The following DNAH2 variants were observed in gnomAD, a reference collection of about 807,000 sequenced individuals.
DNAH2 encodes the protein axonemal beta dynein heavy chain 2.
A neutral mutation model predicts 523.5 loss-of-function variants in DNAH2; 323 were observed. The observed-to-expected ratio is 0.62, with a 90% CI of 0.56 to 0.68. The LOEUF (loss-of-function observed/expected upper bound fraction) is 0.68. Among genes scored for constraint, DNAH2 ranks in the 30% least tolerant of loss-of-function variants. The pLI is 0.00. For synonymous variants in DNAH2, 2,093 were observed against 2,177.4 expected, an observed-to-expected ratio of 0.96 and a Z score of 1.08; for missense variants, 4,907 against 5,701.5, an observed-to-expected ratio of 0.86 and a Z score of 4.49.
At chr17:7,729,807 T>C (rs1282672629) in intron 4 of DNAH2, among the ~76,000 whole-genome samples, 1 of 152,138 alleles carries the variant, frequency 6.6e-6, no homozygotes, top group Admixed American at 6.6e-5. Flanking sequence ...CTGAGGCAAT[T>C]CTCTTAGGCC....
chr17:7,802,073 C>T (rs1021264739), intron 58 of DNAH2, 56 bp downstream of exon 58: 11 of 1,601,824 alleles, frequency 6.9e-6, no homozygotes, highest in South Asian at 4.4e-5. Flanking sequence ...CTTCTGAGGG[C>T]GATGGGTGAA....
At chr17:7,804,653 T>G (rs2077316969) in intron 59 of DNAH2, among the ~76,000 whole-genome samples, 187 bp downstream of exon 59, 1 of 151,872 alleles carries the variant, frequency 6.6e-6, no homozygotes, top group South Asian at 2.1e-4. Flanking sequence ...CGAGACCAAC[T>G]TGGCCAACAT....
At chr17:7,818,835 CCA>C in intron 70 of DNAH2, 59 bp downstream of exon 70, 4 of 1,610,488 alleles carry the variant, frequency 2.5e-6, no homozygotes, top group Non-Finnish European at 3.4e-6. Flanking sequence ...CAGCCTCCAC[CCA>C]GTCTACCCCA....
chr17:7,764,282 C>T lies in DNAH2; in HGVS notation c.3336+9C>T, dbSNP rs1441080979. ...TGCCAGTCGAGGACAGTGTGAGTTCCTTTGGTGTTTGGTTTACCTGGGACC... is the reference window on the plus strand; with the variant it reads ...TGCCAGTCGAGGACAGTGTGAGTTCTTTTGGTGTTTGGTTTACCTGGGACC... On this transcript the variant is annotated intron_variant, in intron 20 of 85. Transcript: ENST00000572933. 3 of 1,589,026 alleles carry T rather than the reference C, an allele frequency of 1.9e-6. No homozygotes were observed. Among genetic ancestry groups the T allele is most frequent in the Admixed American group, 1.7e-5 (1 of 58,418 alleles).
chr17:7,769,088 T>C (rs2076247726), intron 24 of DNAH2, among the ~76,000 whole-genome samples: 1 of 152,236 alleles, frequency 6.6e-6, no homozygotes. Context: ...CTTCTTGTTC[T>C]CTGACCCCTG....
rs79350244 is a variant in DNAH2 at position 7,830,796 on chromosome 17, A to C, written c.12184A>C (p.Ile4062Leu). 0.024 allele frequency: 38,029 copies of C among 1,614,040 alleles called. 621 individuals carry two copies. The highest frequency in any genetic ancestry group is 0.087 in the Middle Eastern group (525 of 6,060). ...DWDRRLLTTY[I>L]NDYFCDQSLS... ...GGACCGGCGCCTGCTGACCACCTAC[A>C]TCAATGATTATTTCTGTGACCAGTC... Residue 4062 changes from isoleucine (I) to leucine (L), a missense_variant, in exon 79 of 86, where the codon ATC (isoleucine) becomes CTC (leucine). By Grantham distance (5) the Ile-to-Leu change is conservative (BLOSUM62 2). Coordinates refer to ENST00000572933, the MANE Select transcript of DNAH2 (RefSeq NM_020877.5).
At chr17:7,772,154 C>T (rs1273486323) in intron 28 of DNAH2, among the ~76,000 whole-genome samples, 1 of 152,116 alleles carries the variant, frequency 6.6e-6, no homozygotes. Context: ...GGTAGACAAT[C>T]AGGGAGTCAG....
chr17:7,814,465 T>A (rs987766745), intron 63 of DNAH2, among the ~76,000 whole-genome samples: 4 of 152,202 alleles, frequency 2.6e-5, no homozygotes, highest in Non-Finnish European at 4.4e-5. Context: ...TAATAATTTT[T>A]AAAAATTTAA....
intron 56 of DNAH2, 110 bp downstream of exon 56, chr17:7,799,352 G>A: frequency 6.9e-7 from 1 of 1,443,388 alleles, no homozygotes; most frequent in Non-Finnish European, 9.4e-7. Context: ...AGGCTCCTCT[G>A]CCCGCCTCAC....
chr17:7,743,521 C>T (rs1229275473), intron 12 of DNAH2: 1 of 613,594 alleles, frequency 1.6e-6, no homozygotes, highest in East Asian at 2.8e-5. Context: ...CAAAGATTAG[C>T]TGGGCGTGGT....
rs1317370202 is a variant in DNAH2 at position 7,793,057 on chromosome 17, G to C, written c.7421G>C (p.Gly2474Ala). The stretch of plus-strand genomic sequence containing the variant: ...ACCAAGGGTGTCTACGTGCCATTCG[G>C]GGGCAAAAGCATGATCACCTTTATG... ...KRTKGVYVPF[G>A]GKSMITFMDD... Residue 2474 changes from glycine to alanine, a missense_variant, in exon 48 of 86, where the codon GGG becomes GCG. Gly to Ala is a moderately conservative substitution (Grantham distance 60). Coordinates refer to ENST00000572933, the MANE Select transcript of DNAH2 (RefSeq NM_020877.5). The C allele has an allele frequency of 2.5e-6, 4 of 1,614,170 alleles. No individual in the cohort carries two copies. Among genetic ancestry groups the C allele is most frequent in the Non-Finnish European group, 2.5e-6 (3 of 1,180,028 alleles).
chr17:7,781,178 C>T lies in DNAH2; in HGVS notation c.6129+11C>T, dbSNP rs1567688309. Reference sequence around the variant, plus strand: ...ATTGACTATGGCAAGGTATTTGTTCCTTAATACTCTCCCTGACCGGGTGCT... The same window carrying T: ...ATTGACTATGGCAAGGTATTTGTTCTTTAATACTCTCCCTGACCGGGTGCT... On this transcript the variant is annotated intron_variant, in intron 39 of 85. Coordinates refer to ENST00000572933, the MANE Select transcript of DNAH2 (RefSeq NM_020877.5). 3 of 1,613,966 alleles carry T rather than the reference C, an allele frequency of 1.9e-6. No homozygotes were observed. In the East Asian group the frequency reaches 6.7e-5, roughly 36 times the overall value.
chr17:7,818,655 C>T lies in DNAH2; in HGVS notation c.10549C>T (p.Gln3517Ter), dbSNP rs1314423204. 6.2e-7 allele frequency: 1 copy of T among 1,613,872 alleles called. No individual in the cohort carries two copies. The highest frequency in any genetic ancestry group is 8.5e-7 in the Non-Finnish European group (1 of 1,180,008). ...CTGATGCCCCCAGGGCCTGGAGGCC[C>T]AGCTGCTGGGCATTGTGGTGCGGAA... is the stretch of plus-strand genomic sequence containing the variant. ...FAVKEQGLEA[Q>*]LLGIVVRKER... Residue 3517 changes from glutamine (Q) to a stop codon, truncating the protein, a stop_gained, in exon 70 of 86, where the codon CAG (glutamine) becomes TAG (stop). Transcript: ENST00000572933. LOFTEE classifies it high-confidence loss of function.
chr17:7,793,549 CTT>C (rs1242868822), intron 48 of DNAH2, among the ~76,000 whole-genome samples: 44 of 130,200 alleles, frequency 3.4e-4, no homozygotes, highest in African/African-American at 1.2e-3. Flanking sequence ...TCTTTCTTCT[CTT>C]TCTTTCTCTT....
intron 77 of DNAH2, among the ~76,000 whole-genome samples, chr17:7,826,988 C>T (rs2078038596): frequency 6.6e-6 from 1 of 152,210 alleles, no homozygotes; most frequent in African/African-American, 2.4e-5. Flanking sequence ...TTTTTCTTTT[C>T]CTCTGGAGTT....
chr17:7,830,150 T>C (rs2078128898), intron 77 of DNAH2, 150 bp from the exon 78 acceptor site: 1 of 740,374 alleles, frequency 1.4e-6, no homozygotes, highest in South Asian at 2.2e-5. Flanking sequence ...GATCTTGGCA[T>C]GTAGATCAAC....
Position 7,804,296 on chromosome 17 carries a change from A to G in DNAH2, c.9013A>G (p.Asn3005Asp), listed in dbSNP as rs748385539. The G allele has an allele frequency of 5.6e-6, 9 of 1,614,176 alleles. No individual in the cohort carries two copies. Among genetic ancestry groups the G allele is most frequent in the East Asian group, 2.2e-5 (1 of 44,870 alleles). Residue 3005 changes from asparagine (N) to aspartate (D), a missense_variant, in exon 59 of 86, where the codon AAT becomes GAT. This residue lies in a region of DNAH2 where 1,851 missense variants were observed against 2,139.4 expected (regional missense o/e 0.87). Transcript: ENST00000572933. ...ACGGCAGGAGCTGCTGGCCCAAGCC[A>G]ATAAACTGCGGACAGGCTTGTTCAA... ...EKRQELLAQA[N>D]KLRTGLFKID...
intron 12 of DNAH2, among the ~76,000 whole-genome samples, chr17:7,748,510 T>A (rs548585941): frequency 5.9e-4 from 90 of 152,336 alleles, no homozygotes; most frequent in African/African-American, 2.1e-3. Flanking sequence ...TTATTTATTT[T>A]TTTGAGACAA....
At chr17:7,789,735 C>A (rs777999498) in intron 44 of DNAH2, among the ~76,000 whole-genome samples, 14 of 152,088 alleles carry the variant, frequency 9.2e-5, no homozygotes, top group Non-Finnish European at 1.8e-4. Flanking sequence ...TGCCACCACA[C>A]CCAGCTAATT....
Sources: allele counts gnomAD v4.1 joint callset (sites outside exome capture counted in the v4.1 genomes callset), GRCh38; gene constraint gnomAD v4.1.1; regional missense constraint gnomAD v4.1.1; transcripts MANE v1.5; gene names NCBI Gene and HGNC (gene_info 2026-07-23, HGNC 2026-07-21).